Variants in ZNF235 observed in about 807,000 individuals in gnomAD.
ZNF235 encodes the protein zinc finger protein 235, also known as zfp-93.
ZNF235 carries 25 observed loss-of-function variants against 29.4 expected under a neutral mutation model. The observed-to-expected ratio is 0.85, with a 90% confidence interval of 0.62 to 1.19. ZNF235 has a LOEUF of 1.19. Ranked by LOEUF, ZNF235 falls within the 50% of genes most tolerant of loss-of-function variation. ZNF235 has a pLI of 0.00. For missense variants in ZNF235, 788 were observed against 885.0 expected (o/e 0.89, Z 1.39); for synonymous variants, 300 against 295.3 (o/e 1.02, Z -0.16).
chr19:44,298,058 G>A (rs948584307), intron 4 of ZNF235, among the ~76,000 whole-genome samples: 8 of 152,132 alleles, frequency 5.3e-5, no homozygotes, highest in Non-Finnish European at 7.3e-5. Flanking sequence ...GGTGGAGACT[G>A]CAGTGAGCCG....
At chr19:44,299,838 A>G in intron 2 of ZNF235, 106 bp from the exon 3 acceptor site, 1 of 1,571,800 alleles carries the variant, frequency 6.4e-7, no homozygotes, top group South Asian at 1.1e-5. Context: ...CAATCACACC[A>G]AAAATGCTAG....
rs1326403787 is a variant in ZNF235 at position 44,287,323 on chromosome 19, G to T, written c.2112C>A (p.Val704=). The T allele has an allele frequency of 5.0e-6, 8 of 1,613,834 alleles. No homozygotes were observed. Among genetic ancestry groups the T allele is most frequent in the Non-Finnish European group, 6.8e-6 (8 of 1,179,914 alleles). ...QASHFHTHQR[V]HTGERPYICD... ...ATATGTAAGGCCTCTCTCCAGTGTG[G>T]ACTCTCTGGTGTGTGTGAAAATGTG... Residue 704 remains valine (V), a synonymous_variant, in exon 5 of 5, where the codon GTC becomes GTA. Transcript: ENST00000291182.
At chr19:44,299,828 C>A (rs558427081) in intron 2 of ZNF235, 96 bp from the exon 3 acceptor site, 3 of 1,589,094 alleles carry the variant, frequency 1.9e-6, no homozygotes, top group East Asian at 2.2e-5. Flanking sequence ...TCCCCTTCCA[C>A]AATCACACCA....
chr19:44,295,001 A>C (rs771279982), intron 4 of ZNF235, among the ~76,000 whole-genome samples: 1 of 152,192 alleles, frequency 6.6e-6, no homozygotes, highest in African/African-American at 2.4e-5. Flanking sequence ...AAAAGCTGAA[A>C]GCATTCCCCC....
At chr19:44,292,504 C>A (rs1337978453) in intron 4 of ZNF235, among the ~76,000 whole-genome samples, 1 of 150,706 alleles carries the variant, frequency 6.6e-6, no homozygotes. Context: ...CATCTCGGTA[C>A]TTCAAGACAG....
chr19:44,302,092 TTC>T (rs1453667164), intron 2 of ZNF235, among the ~76,000 whole-genome samples: 5 of 152,218 alleles, frequency 3.3e-5, no homozygotes, highest in African/African-American at 1.2e-4. Context: ...TAAAATTACT[TTC>T]TCTGAGTTTG....
chr19:44,293,687 A>C (rs1975615507), intron 4 of ZNF235, among the ~76,000 whole-genome samples: 2 of 152,178 alleles, frequency 1.3e-5, no homozygotes, highest in Non-Finnish European at 2.9e-5. Flanking sequence ...AAAAGTCTCA[A>C]TACATTTTTA....
intron 4 of ZNF235, among the ~76,000 whole-genome samples, chr19:44,296,921 G>A (rs1021833003): frequency 6.6e-6 from 1 of 152,096 alleles, no homozygotes; most frequent in South Asian, 2.1e-4. Context: ...AGAAATCACA[G>A]GGGAAACTAG....
chr19:44,298,326 T>A (rs1195793179), intron 4 of ZNF235, among the ~76,000 whole-genome samples: 1 of 151,992 alleles, frequency 6.6e-6, no homozygotes, highest in Non-Finnish European at 1.5e-5. Flanking sequence ...TACACTGGAT[T>A]TTACTCATGA....
intron 2 of ZNF235, among the ~76,000 whole-genome samples, chr19:44,301,442 T>C (rs982746538): frequency 1.3e-5 from 2 of 151,402 alleles, no homozygotes; most frequent in Non-Finnish European, 2.9e-5. Flanking sequence ...CATACATGTG[T>C]AGCATAGCCT....
intron 2 of ZNF235, among the ~76,000 whole-genome samples, chr19:44,302,252 G>A (rs1037527330): frequency 1.3e-5 from 2 of 151,856 alleles, no homozygotes; most frequent in Non-Finnish European, 2.9e-5. Flanking sequence ...AGTTACATGG[G>A]GAAAAACTGC....
Position 44,288,322 on chromosome 19 carries a change from T to C in ZNF235, c.1113A>G (p.Gly371=), listed in dbSNP as rs1975526155. 1 of 1,614,074 alleles carries C rather than the reference T, an allele frequency of 6.2e-7. No homozygotes were observed. The highest frequency in any genetic ancestry group is 8.5e-7 in the Non-Finnish European group (1 of 1,180,022). The change falls in exon 5 of 5, where the codon GGA becomes GGG. Residue 371 remains glycine, a synonymous_variant. Transcript: ENST00000291182. ...HLYAHLPIHT[G]EKPYRCDSCG... is the part of the protein sequence containing the mutation. ...AACTGTCACATCTATAGGGCTTCTC[T>C]CCTGTGTGAATAGGCAAATGAGCAT... is the stretch of plus-strand genomic sequence containing the variant.
rs556432547 is a variant in ZNF235, at chr19:44,303,337, T to C, written c.15+53A>G. ...TCCCAAACAGGAAAAATGTGTCCAA[T>C]CTTTGTGAAATGAGATGTCATTTTA... On this transcript the variant is annotated intron_variant, in intron 2 of 4. Transcript: ENST00000291182. 2.8e-5 allele frequency: 44 copies of C among 1,594,788 alleles called. No individual in the cohort carries two copies. In the South Asian group the frequency reaches 4.9e-4, roughly 18 times the overall value.
At chr19:44,297,015 A>T (rs1322181046) in intron 4 of ZNF235, 1 of 152,228 alleles carries the variant, frequency 6.6e-6, no homozygotes, top group Non-Finnish European at 1.5e-5. Context: ...GGTTACAATG[A>T]AAAGGAAAAA....
intron 4 of ZNF235, among the ~76,000 whole-genome samples, chr19:44,294,509 T>C (rs1447461549): frequency 1.3e-5 from 2 of 152,136 alleles, no homozygotes; most frequent in African/African-American, 4.8e-5. Context: ...CTGGTACCAA[T>C]TCTACTAAAA....
rs114524338 is a variant in ZNF235, at chr19:44,299,221, T to C, written c.143-318A>G. ...CTAAGGGGCTCTGATATTGTTACTC[T>C]ATTTTATTACAAAAATGCTTATGTA... On this transcript the variant is annotated intron_variant, in intron 3 of 4. Transcript: ENST00000291182. Among the ~76,000 whole-genome samples the C allele has an allele frequency of 2.2e-3, 328 of 152,334 alleles. 1 individual carries two copies. The highest frequency in any genetic ancestry group is 7.1e-3 in the African/African-American group (294 of 41,560).
chr19:44,299,819 C>T, intron 2 of ZNF235, 87 bp from the exon 3 acceptor site: 11 of 1,600,460 alleles, frequency 6.9e-6, no homozygotes, highest in Non-Finnish European at 9.4e-6. Context: ...TACTATTCTT[C>T]CCCTTCCACA....
At chr19:44,304,809 A>G in intron 1 of ZNF235, 162 bp downstream of exon 1, 3 of 985,444 alleles carry the variant, frequency 3.0e-6, no homozygotes, top group Non-Finnish European at 3.6e-6. Flanking sequence ...CCTCCCACGC[A>G]AGAGGTTCTG....
In ZNF235 at chr19:44,289,096, C is replaced by A. The variant is rs1055429547; in HGVS notation, c.339G>T (p.Ala113=). 6.2e-7 allele frequency: 1 copy of A among 1,613,940 alleles called. No individual in the cohort carries two copies. The highest frequency in any genetic ancestry group is 1.3e-5 in the African/African-American group (1 of 74,902). The stretch of plus-strand genomic sequence containing the variant: ...AGTCTTGACTTCTGGCTAATTTGCT[C>A]GCAATGTGTCTCTTGATTTGCCAGC... ...LSCWQIKRHI[A]SKLARSQDSM... The change falls in exon 5 of 5, where the codon GCG becomes GCT. Residue 113 remains alanine (A), a synonymous_variant. Transcript: ENST00000291182.
Sources: allele counts gnomAD v4.1 joint callset (sites outside exome capture counted in the v4.1 genomes callset), GRCh38; gene constraint gnomAD v4.1.1; transcripts MANE v1.5; gene names NCBI Gene and HGNC (gene_info 2026-07-23, HGNC 2026-07-21).